OR4N2: variants seen among roughly 807,000 people sequenced by gnomAD.
OR4N2 encodes olfactory receptor family 4 subfamily N member 2.
For synonymous variants in OR4N2, 141 were observed against 140.4 expected, an observed-to-expected ratio of 1.00 and a Z score of -0.03; for missense variants, 307 against 377.6, an observed-to-expected ratio of 0.81 and a Z score of 1.55.
At chr14:19,824,941 T>C (rs571801364) in intron 1 of OR4N2, among the ~76,000 whole-genome samples, 8 of 152,362 alleles carry the variant, frequency 5.3e-5, no homozygotes, top group African/African-American at 1.7e-4. Context: ...GCACAGGGGG[T>C]CTGCCCCCTT....
Position 19,816,480 on chromosome 14 carries a change from C to T in OR4N2, c.-9-10960C>T, listed in dbSNP as rs184268824. Among the ~76,000 whole-genome samples the T allele has an allele frequency of 2.4e-3, 362 of 152,206 alleles. 2 individuals are homozygous for T. Among genetic ancestry groups the T allele is most frequent in the South Asian group, 0.021 (102 of 4,806 alleles). On this transcript the variant is annotated intron_variant, in intron 1 of 1. Transcript: ENST00000557677. The stretch of plus-strand genomic sequence containing the variant: ...TAGCAATTGTGAATGGGAGTTAACT[C>T]ATGATTTGGCTGTTTATCTATTAAT...
intron 1 of OR4N2, among the ~76,000 whole-genome samples, chr14:19,817,433 C>T (rs1216691100): frequency 2.0e-5 from 3 of 152,046 alleles, no homozygotes; most frequent in Non-Finnish European, 4.4e-5. Flanking sequence ...GGTGTATGTG[C>T]CCAGGAATTT....
chr14:19,814,865 G>A (rs1304146500), intron 1 of OR4N2, among the ~76,000 whole-genome samples: 2 of 151,500 alleles, frequency 1.3e-5, no homozygotes, highest in African/African-American at 2.4e-5. Flanking sequence ...TATTCCCCTC[G>A]CTGTTTCCCT....
At chr14:19,820,526 C>T (rs1371940237) in intron 1 of OR4N2, among the ~76,000 whole-genome samples, 1 of 152,224 alleles carries the variant, frequency 6.6e-6, no homozygotes, top group African/African-American at 2.4e-5. Flanking sequence ...AAGCTGTGCC[C>T]ACAGCCGCCC....
At chr14:19,807,221 T>C (rs1488772842) in intron 1 of OR4N2, among the ~76,000 whole-genome samples, 1 of 150,484 alleles carries the variant, frequency 6.6e-6, no homozygotes, top group Non-Finnish European at 1.5e-5. Flanking sequence ...ATAACAGATA[T>C]AACTACAAAC....
Position 19,806,607 on chromosome 14 carries a change from T to C in OR4N2, c.-10+2763T>C, listed in dbSNP as rs1946170403. Among the ~76,000 whole-genome samples, 4 of 152,124 alleles carry C rather than the reference T, an allele frequency of 2.6e-5. No individual in the cohort carries two copies. In the South Asian group the frequency reaches 8.3e-4, roughly 31 times the overall value. On this transcript the variant is annotated intron_variant, in intron 1 of 1. Transcript: ENST00000557677. ...TTGGCCTACCAAAAGACTTAGACAA[T>C]CCTACAATAATACTGGGAGACTTCA...
At chr14:19,808,579 G>A (rs1879221823) in intron 1 of OR4N2, among the ~76,000 whole-genome samples, 2 of 152,122 alleles carry the variant, frequency 1.3e-5, no homozygotes, top group Non-Finnish European at 2.9e-5. Flanking sequence ...AGAGATGACA[G>A]AAATGAATGG....
chr14:19,812,979 A>G (rs1478556636), intron 1 of OR4N2, among the ~76,000 whole-genome samples: 2 of 152,242 alleles, frequency 1.3e-5, no homozygotes, highest in Admixed American at 6.5e-5. Flanking sequence ...TTAATTCAAG[A>G]TTATCTAGAG....
chr14:19,809,787 G>C (rs1879252142), intron 1 of OR4N2, among the ~76,000 whole-genome samples: 1 of 152,170 alleles, frequency 6.6e-6, no homozygotes, highest in Admixed American at 6.5e-5. Flanking sequence ...CTGGGATAAT[G>C]GGCAAGCCAC....
intron 1 of OR4N2, among the ~76,000 whole-genome samples, chr14:19,812,496 A>C (rs1566463764): frequency 6.6e-6 from 1 of 150,974 alleles, no homozygotes; most frequent in African/African-American, 2.4e-5. Flanking sequence ...AGCCGAGATA[A>C]TTTTTTTGTT....
In OR4N2 at chr14:19,829,756, G is replaced by T. The variant is rs1006649807; in HGVS notation, c.*1384G>T. The T allele has an allele frequency of 2.0e-5, 3 of 152,182 alleles. No homozygotes were observed. Among genetic ancestry groups the T allele is most frequent in the African/African-American group, 7.2e-5 (3 of 41,422 alleles). 9.4% of individuals were successfully genotyped at this position (152,182 alleles called of 1,614,324 possible). A position where few individuals can be genotyped will look rare whatever the true frequency, so the allele number is the denominator to read the frequency against. On this transcript the variant is annotated 3_prime_UTR_variant, in exon 2 of 2. Coordinates refer to ENST00000557677, the MANE Select transcript of OR4N2 (RefSeq NM_001004723.3). ...ACATCTGGAACCCCAAATGCAAGGG[G>T]GTCAAAAATTGAGTTTTAAAATATT...
intron 1 of OR4N2, among the ~76,000 whole-genome samples, chr14:19,826,237 T>C (rs1356819748): frequency 1.3e-5 from 2 of 152,276 alleles, no homozygotes; most frequent in African/African-American, 2.4e-5. Context: ...ATTTTAAATA[T>C]GAATTTTCTT....
At chr14:19,819,032 G>A (rs375588111) in intron 1 of OR4N2, among the ~76,000 whole-genome samples, 10 of 152,084 alleles carry the variant, frequency 6.6e-5, no homozygotes, top group Admixed American at 1.3e-4. Flanking sequence ...TGGCTTGTAG[G>A]GTTTCTGCAG....
chr14:19,811,310 G>C (rs1347350390), intron 1 of OR4N2, among the ~76,000 whole-genome samples: 1 of 152,158 alleles, frequency 6.6e-6, no homozygotes, highest in Non-Finnish European at 1.5e-5. Context: ...GCAGTGGTGC[G>C]ATCTCGGCTC....
intron 1 of OR4N2, among the ~76,000 whole-genome samples, chr14:19,808,656 G>A (rs1879223433): frequency 2.0e-5 from 3 of 152,130 alleles, no homozygotes; most frequent in Admixed American, 1.3e-4. Flanking sequence ...GCCCAAAGCA[G>A]TCTACAGTTT....
chr14:19,804,861 T>C (rs1780895), intron 1 of OR4N2, among the ~76,000 whole-genome samples: 12,240 of 149,796 alleles, frequency 0.082, 105 homozygotes, highest in East Asian at 0.18. Context: ...ACTTCCTTTA[T>C]AAGTCTGGGT....
chr14:19,826,630 T>C (rs1411178416), intron 1 of OR4N2, among the ~76,000 whole-genome samples: 2 of 152,258 alleles, frequency 1.3e-5, no homozygotes, highest in Non-Finnish European at 2.9e-5. Flanking sequence ...AAATTTTATA[T>C]TGTAGCATAT....
intron 1 of OR4N2, among the ~76,000 whole-genome samples, chr14:19,824,267 C>A (rs1348927060): frequency 1.3e-4 from 20 of 152,134 alleles, no homozygotes; most frequent in Non-Finnish European, 2.6e-4. Context: ...TCTATTCCAA[C>A]CACCATTTAG....
At position 19,819,352 on chromosome 14, in the gene OR4N2, A is replaced by C. The variant is rs374844674; in HGVS notation, c.-9-8088A>C. Reference sequence around the variant, plus strand: ...AAACGTAGGTTTGGTCTTTTCACATAGTCCCATATTTCTTGGAGGATTTGT... The same window carrying C: ...AAACGTAGGTTTGGTCTTTTCACATCGTCCCATATTTCTTGGAGGATTTGT... On this transcript the variant is annotated intron_variant, in intron 1 of 1. Transcript: ENST00000557677. Among the ~76,000 whole-genome samples, 71 of 152,270 alleles carry C rather than the reference A, an allele frequency of 4.7e-4. No individual in the cohort carries two copies. In the East Asian group the frequency reaches 0.01, roughly 22 times the overall value.
Sources: allele counts gnomAD v4.1 joint callset (sites outside exome capture counted in the v4.1 genomes callset), GRCh38; gene constraint gnomAD v4.1.1; transcripts MANE v1.5; gene names NCBI Gene and HGNC (gene_info 2026-07-23, HGNC 2026-07-21).